Variants in FCRL1 observed in about 807,000 individuals in gnomAD.
FCRL1 encodes the protein Fc receptor-like protein 1.
In FCRL1, 34 loss-of-function variants were observed where a neutral mutation model predicts 49.2. That is an observed-to-expected ratio of 0.69 (90% CI 0.53 to 0.92). FCRL1 has a LOEUF of 0.92. FCRL1 is among the 40% of genes least tolerant of loss of function. The pLI, the probability that FCRL1 is intolerant of heterozygous loss-of-function variation, is 0.00. For synonymous variants in FCRL1, 218 were observed against 201.6 expected (o/e 1.08, Z -0.69); for missense variants, 524 against 524.1 (o/e 1.00, Z 0.00).
chr1:157,795,900 T>C lies in FCRL1; in HGVS notation c.*199A>G. On this transcript the variant is annotated 3_prime_UTR_variant, in exon 11 of 11. Coordinates refer to ENST00000368176, the MANE Select transcript of FCRL1 (RefSeq NM_052938.5). ...CTGATAACAAAGTCCCTGTCACTCC[T>C]GTGTCTATTAGTTCTCCTAGGTAGT... is the stretch of plus-strand genomic sequence containing the variant. 1 of 518,120 alleles carries C rather than the reference T, an allele frequency of 1.9e-6. No homozygotes were observed. Among genetic ancestry groups the C allele is most frequent in the Non-Finnish European group, 3.5e-6 (1 of 288,896 alleles). 32.1% of individuals were successfully genotyped at this position (518,120 alleles called of 1,614,324 possible). A position where few individuals can be genotyped will look rare whatever the true frequency, so the allele number is the denominator to read the frequency against.
chr1:157,795,539 G>A lies in FCRL1; in HGVS notation c.*560C>T, dbSNP rs1651347226. Reference sequence around the variant, plus strand: ...AAATACGTCACTAAAATTAAGTGGAGTCACAATAACTTTTTATGTAACTTT... The same window carrying A: ...AAATACGTCACTAAAATTAAGTGGAATCACAATAACTTTTTATGTAACTTT... On this transcript the variant is annotated 3_prime_UTR_variant, in exon 11 of 11. Transcript: ENST00000368176. 6.6e-6 allele frequency: 1 copy of A among 152,486 alleles called. No homozygotes were observed. The highest frequency in any genetic ancestry group is 2.4e-5 in the African/African-American group (1 of 41,446). 9.4% of individuals were successfully genotyped at this position (152,486 alleles called of 1,614,324 possible).
At chr1:157,805,009 G>A (rs1005147017) in intron 2 of FCRL1, among the ~76,000 whole-genome samples, 2 of 152,012 alleles carry the variant, frequency 1.3e-5, no homozygotes, top group African/African-American at 4.8e-5. Flanking sequence ...ACAGGCACAT[G>A]CCACCAAGCC....
chr1:157,816,366 CA>C (rs1557926655), intron 1 of FCRL1, among the ~76,000 whole-genome samples: 5 of 151,620 alleles, frequency 3.3e-5, no homozygotes. Context: ...AATACATGCA[CA>C]AAAAGCATTT....
At position 157,795,838 on chromosome 1, in the gene FCRL1, A is replaced by G. The variant is rs535681546; in HGVS notation, c.*261T>C. 2.5e-6 allele frequency: 1 copy of G among 404,934 alleles called. No homozygotes were observed. The highest frequency in any genetic ancestry group is 3.9e-5 in the East Asian group (1 of 25,680). The allele number at this position is 404,934 out of a possible 1,614,324, so 25.1% of individuals were successfully genotyped here. A position where few individuals can be genotyped will look rare whatever the true frequency, so the allele number is the denominator to read the frequency against. ...CCTCTTGTAAACAGAAGAGCACAAT[A>G]TGACCTGTTTTCAAAGGAGCCGGCA... On this transcript the variant is annotated 3_prime_UTR_variant, in exon 11 of 11. Coordinates refer to ENST00000368176, the MANE Select transcript of FCRL1 (RefSeq NM_052938.5).
At position 157,794,617 on chromosome 1, in the gene FCRL1, G is replaced by C. The variant is rs1170996410; in HGVS notation, c.*1482C>G. 1 of 152,084 alleles carries C rather than the reference G, an allele frequency of 6.6e-6. No homozygotes were observed. The highest frequency in any genetic ancestry group is 2.4e-5 in the African/African-American group (1 of 41,406). 9.4% of individuals were successfully genotyped at this position (152,084 alleles called of 1,614,324 possible). ...TTATCCTTCAGATAATCCAGCAGGA[G>C]TGCCATAATATGCTAGTACAAAGAC... On this transcript the variant is annotated 3_prime_UTR_variant, in exon 11 of 11. Transcript: ENST00000368176.
chr1:157,804,374 T>A (rs939026448), intron 2 of FCRL1, among the ~76,000 whole-genome samples: 1 of 152,180 alleles, frequency 6.6e-6, no homozygotes, highest in African/African-American at 2.4e-5. Flanking sequence ...GATCTTATTA[T>A]TTTTTGAAGT....
rs1344883650 is a variant in FCRL1, at chr1:157,797,082, GAAC to G, written c.1218+16_1218+18del. On this transcript the variant is annotated intron_variant, in intron 10 of 10. Transcript: ENST00000368176. ...GAGGAAAGAAAGAACATGGAAGAAAGAACAATAGAGACTCTTACCTTGTCCTCC... is the reference window on the plus strand; with the variant it reads ...GAGGAAAGAAAGAACATGGAAGAAAGAATAGAGACTCTTACCTTGTCCTCC... 1.9e-6 allele frequency: 3 copies of G among 1,612,720 alleles called. No homozygotes were observed. Among genetic ancestry groups the G allele is most frequent in the South Asian group, 2.2e-5 (2 of 90,978 alleles).
In FCRL1 at chr1:157,797,951, G is replaced by A. The variant is rs1221181436; in HGVS notation, c.1115-12C>T. On this transcript the variant is annotated splice_polypyrimidine_tract_variant and intron_variant, in intron 8 of 10. Coordinates refer to ENST00000368176, the MANE Select transcript of FCRL1 (RefSeq NM_052938.5). ...ACTTACAACATTCACTGCAAGAGAAGGAGGGAGACTTCATGACACAGCCCC... is the reference window on the plus strand; with the variant it reads ...ACTTACAACATTCACTGCAAGAGAAAGAGGGAGACTTCATGACACAGCCCC... 3 of 1,613,778 alleles carry A rather than the reference G, an allele frequency of 1.9e-6. No individual in the cohort carries two copies. Among genetic ancestry groups the A allele is most frequent in the East Asian group, 2.2e-5 (1 of 44,880 alleles).
At chr1:157,801,384 T>C (rs1652438151) in intron 6 of FCRL1, 77 bp downstream of exon 6, 3 of 942,144 alleles carry the variant, frequency 3.2e-6, no homozygotes, top group African/African-American at 3.2e-5. Flanking sequence ...TTTTGCAGTA[T>C]ACATGTCACA....
Position 157,802,014 on chromosome 1 carries a change from TGAA to T in FCRL1, c.784_786del (p.Phe262del). 1 of 1,614,202 alleles carries T rather than the reference TGAA, an allele frequency of 6.2e-7. No homozygotes were observed. Among genetic ancestry groups the T allele is most frequent in the East Asian group, 2.2e-5 (1 of 44,878 alleles). ...GAATGTTCTTCAGTCAGGGAAAGGT[TGAA>T]GGAGGCTCCTCCTCCAGAGGGGGCC... On this transcript the variant is annotated inframe_deletion, in exon 5 of 11. Coordinates refer to ENST00000368176, the MANE Select transcript of FCRL1 (RefSeq NM_052938.5).
At position 157,797,090 on chromosome 1, in the gene FCRL1, G is replaced by A. The variant is rs1571329668; in HGVS notation, c.1218+11C>T. On this transcript the variant is annotated intron_variant, in intron 10 of 10. Transcript: ENST00000368176. ...AAAGAACATGGAAGAAAGAACAATA[G>A]AGACTCTTACCTTGTCCTCCATATG... 1 of 1,613,404 alleles carries A rather than the reference G, an allele frequency of 6.2e-7. No homozygotes were observed.
At chr1:157,800,204 G>A (rs925749829) in intron 6 of FCRL1, 119 bp from the exon 7 acceptor site, 21 of 766,450 alleles carry the variant, frequency 2.7e-5, no homozygotes, top group Non-Finnish European at 4.0e-5. Context: ...CATTGTGGGT[G>A]CCACTGTGTG....
intron 6 of FCRL1, among the ~76,000 whole-genome samples, chr1:157,801,244 G>T (rs948415423): frequency 6.6e-6 from 1 of 152,078 alleles, no homozygotes; most frequent in African/African-American, 2.4e-5. Flanking sequence ...AATATCACTC[G>T]AACCTCAACT....
chr1:157,801,662 A>G lies in FCRL1; in HGVS notation c.887-85T>C, dbSNP rs1255608667. The G allele has an allele frequency of 7.0e-6, 7 of 998,324 alleles. No homozygotes were observed. The Admixed American group carries it at 1.5e-4, about 22-fold the overall frequency. The allele number at this position is 998,324 out of a possible 1,614,324, so 61.8% of individuals were successfully genotyped here. ...GACATCTTGGGTGTGGGTTGTGCCC[A>G]AGGTCTGCTCTTCCAAGTGGGGATT... On this transcript the variant is annotated intron_variant, in intron 5 of 10. Transcript: ENST00000368176.
At chr1:157,809,593 C>A (rs1035258261) in intron 1 of FCRL1, among the ~76,000 whole-genome samples, 1 of 152,144 alleles carries the variant, frequency 6.6e-6, no homozygotes, top group Non-Finnish European at 1.5e-5. Flanking sequence ...GGATTACAGG[C>A]ATGTGCCAGC....
intron 10 of FCRL1, 143 bp from the exon 11 acceptor site, chr1:157,796,313 A>G (rs900979274): frequency 1.5e-6 from 1 of 681,748 alleles, no homozygotes; most frequent in East Asian, 2.7e-5. Flanking sequence ...ACTGTGGTCC[A>G]AGGCCAGCAT....
intron 1 of FCRL1, among the ~76,000 whole-genome samples, chr1:157,819,297 TA>T (rs34477150): frequency 1.3e-4 from 19 of 151,072 alleles, no homozygotes; most frequent in African/African-American, 4.1e-4. Flanking sequence ...GTTGTGCATT[TA>T]AAAAAAAATC....
At position 157,802,262 on chromosome 1, in the gene FCRL1, G is replaced by A. The variant is rs1035234712; in HGVS notation, c.608-69C>T. 3.6e-5 allele frequency: 57 copies of A among 1,575,522 alleles called. 2 individuals are homozygous for A. The Admixed American group carries it at 4.2e-4, about 12-fold the overall frequency. On this transcript the variant is annotated intron_variant, in intron 4 of 10. Transcript: ENST00000368176. ...AGCAAACTCATAATCCCTGCCCACCGATGCTCAGCCCCATTGAACTTCCTC... is the reference window on the plus strand; with the variant it reads ...AGCAAACTCATAATCCCTGCCCACCAATGCTCAGCCCCATTGAACTTCCTC...
intron 2 of FCRL1, 170 bp from the exon 3 acceptor site, chr1:157,804,281 C>T: frequency 1.5e-6 from 1 of 685,422 alleles, no homozygotes; most frequent in East Asian, 2.7e-5. Context: ...TTTCCTTTGC[C>T]ATGAACTCAC....
Sources: gnomAD v4.1 joint callset for allele counts (sites outside exome capture counted in the v4.1 genomes callset) on GRCh38, gnomAD v4.1.1 for gene constraint, MANE v1.5 for transcripts, NCBI Gene and HGNC (gene_info 2026-07-23, HGNC 2026-07-21) for gene names.